UVRAG: variants seen among roughly 807,000 people sequenced by gnomAD.
UVRAG encodes the protein UV radiation resistance-associated gene protein.
A neutral mutation model predicts 78.0 loss-of-function variants in UVRAG; 19 were observed. That is an observed-to-expected ratio of 0.24 (90% CI 0.17 to 0.36). The LOEUF is 0.36. UVRAG is among the 10% of genes least tolerant of loss of function. The pLI is 1.00. For missense variants in UVRAG, 740 were observed against 853.8 expected, an observed-to-expected ratio of 0.87 and a Z score of 1.66; for synonymous variants, 323 against 324.6, an observed-to-expected ratio of 1.00 and a Z score of 0.05.
At chr11:75,826,604 GTGTGAATTAGAGTGAAACTTTGGAA>G (rs1945518336) in intron 1 of UVRAG, among the ~76,000 whole-genome samples, 1 of 152,016 alleles carries the variant, frequency 6.6e-6, no homozygotes. Flanking sequence ...CCCTTTTATG[GTGTGAATTAGAGTGAAACTTTGGAA>G]TGTCCCTCTG....
intron 12 of UVRAG, among the ~76,000 whole-genome samples, chr11:76,059,056 A>G (rs112097999): frequency 0.011 from 1,705 of 152,346 alleles, 33 homozygotes; most frequent in African/African-American, 0.039. Context: ...ATTTAAAACA[A>G]TAACTGATTA....
intron 13 of UVRAG, among the ~76,000 whole-genome samples, chr11:76,112,393 G>T (rs1439464806): frequency 2.0e-5 from 3 of 152,012 alleles, no homozygotes; most frequent in Non-Finnish European, 4.4e-5. Context: ...AAATATTCAG[G>T]GTGTCATGAA....
chr11:76,017,611 CAA>C (rs1446547207), intron 12 of UVRAG, among the ~76,000 whole-genome samples: 3 of 151,828 alleles, frequency 2.0e-5, no homozygotes, highest in African/African-American at 7.3e-5. Flanking sequence ...AGCTGAATAT[CAA>C]AGAGAAAGTG....
chr11:75,918,380 A>G (rs75011271), intron 6 of UVRAG, among the ~76,000 whole-genome samples: 32 of 137,140 alleles, frequency 2.3e-4, no homozygotes, highest in Admixed American at 3.6e-4. Context: ...TCCGTCTCAG[A>G]AAAAAAAAAA....
intron 14 of UVRAG, among the ~76,000 whole-genome samples, chr11:76,132,320 A>G (rs989456760): frequency 6.6e-6 from 1 of 152,168 alleles, no homozygotes; most frequent in Non-Finnish European, 1.5e-5. Flanking sequence ...TTCTTTTTAA[A>G]TATTCTTATT....
chr11:75,853,332 C>A (rs1946202294), intron 2 of UVRAG, among the ~76,000 whole-genome samples: 1 of 152,148 alleles, frequency 6.6e-6, no homozygotes, highest in Admixed American at 6.5e-5. Flanking sequence ...GAAACCCCTT[C>A]AGAGTAAATA....
At chr11:76,076,217 A>G (rs140324328) in intron 13 of UVRAG, among the ~76,000 whole-genome samples, 183 of 152,306 alleles carry the variant, frequency 1.2e-3, no homozygotes, top group African/African-American at 4.4e-3. Context: ...CTAATGTACA[A>G]AGGTTCTGTA....
At position 75,888,873 on chromosome 11, in the gene UVRAG, T is replaced by A; in HGVS notation, c.477T>A (p.Asp159Glu). The change falls in exon 5 of 15, where the codon GAT becomes GAA. Residue 159 changes from aspartate (D) to glutamate (E), a missense_variant. Coordinates refer to ENST00000356136, the MANE Select transcript of UVRAG (RefSeq NM_003369.4). ...ATGAAATAATTTTTGGGCTGAATGA[T>A]GGATACTATGGTGCTCCATTTGAAC... ...NQNEIIFGLN[D>E]GYYGAPFEHK... 1 of 1,613,788 alleles carries A rather than the reference T, an allele frequency of 6.2e-7. No homozygotes were observed. The highest frequency in any genetic ancestry group is 8.5e-7 in the Non-Finnish European group (1 of 1,179,864).
At chr11:75,886,706 A>C (rs1947086017) in intron 4 of UVRAG, among the ~76,000 whole-genome samples, 1 of 152,208 alleles carries the variant, frequency 6.6e-6, no homozygotes, top group African/African-American at 2.4e-5. Flanking sequence ...GGAGATACAG[A>C]AGTCAGGGAA....
intron 12 of UVRAG, among the ~76,000 whole-genome samples, chr11:76,044,509 C>T (rs1178227531): frequency 1.3e-5 from 2 of 152,228 alleles, no homozygotes; most frequent in South Asian, 2.1e-4. Flanking sequence ...CCGCGGCTCA[C>T]GGCTGTAATC....
intron 5 of UVRAG, among the ~76,000 whole-genome samples, chr11:75,906,318 GT>G (rs760179318): frequency 1.3e-5 from 2 of 151,392 alleles, no homozygotes; most frequent in Admixed American, 6.6e-5. Context: ...AGTTCTATAG[GT>G]TTTTTTTAGC....
rs535712695 is a variant in UVRAG, at chr11:75,912,169, G to A, written c.593+130G>A. 55 of 654,268 alleles carry A rather than the reference G, an allele frequency of 8.4e-5. 1 individual carries two copies. In the South Asian group the frequency reaches 9.6e-4, roughly 11 times the overall value. 40.5% of individuals were successfully genotyped at this position (654,268 alleles called of 1,614,324 possible). On this transcript the variant is annotated intron_variant, in intron 6 of 14. Transcript: ENST00000356136. ...TCAAGCTTAGCATTTTTTAGTGCAA[G>A]CGTCATAAATTTTGTAGCTACAGTG... is the stretch of plus-strand genomic sequence containing the variant.
At chr11:75,872,177 T>C in intron 3 of UVRAG, among the ~76,000 whole-genome samples, 1 of 152,296 alleles carries the variant, frequency 6.6e-6, no homozygotes, top group East Asian at 1.9e-4. Context: ...CATATCCATA[T>C]TACCTTTTAA....
In UVRAG at chr11:76,016,870, C is replaced by T; in HGVS notation, c.1116C>T (p.Ser372=). 6.2e-7 allele frequency: 1 copy of T among 1,612,430 alleles called. No individual in the cohort carries two copies. Among genetic ancestry groups the T allele is most frequent in the Non-Finnish European group, 8.5e-7 (1 of 1,178,946 alleles). ...TTGGTTATACTGCACATCTGGTCTC[C>T]ATGATTTCCTTTTTCCTACAAGTGC... is the stretch of plus-strand genomic sequence containing the variant. ...VALGYTAHLV[S]MISFFLQVPL... Residue 372 remains serine (S), a synonymous_variant, in exon 12 of 15, where the codon TCC becomes TCT. Coordinates refer to ENST00000356136, the MANE Select transcript of UVRAG (RefSeq NM_003369.4).
chr11:76,057,495 A>C (rs549765005), intron 12 of UVRAG, among the ~76,000 whole-genome samples: 4 of 152,372 alleles, frequency 2.6e-5, no homozygotes, highest in Non-Finnish European at 5.9e-5. Flanking sequence ...ATATTATTTT[A>C]AAATGGCTTA....
chr11:75,895,993 A>T (rs574452081), intron 5 of UVRAG, among the ~76,000 whole-genome samples: 8 of 152,186 alleles, frequency 5.3e-5, no homozygotes, highest in Non-Finnish European at 1.2e-4. Context: ...TGTTGAGGAG[A>T]TAAGACAGTA....
At chr11:76,091,751 TTTA>T (rs1951702197) in intron 13 of UVRAG, among the ~76,000 whole-genome samples, 1 of 152,144 alleles carries the variant, frequency 6.6e-6, no homozygotes, top group Non-Finnish European at 1.5e-5. Flanking sequence ...TTTTGAAATT[TTTA>T]TTGTTGTTTT....
chr11:75,849,645 T>A (rs1194128003), intron 1 of UVRAG, among the ~76,000 whole-genome samples: 1 of 152,224 alleles, frequency 6.6e-6, no homozygotes, highest in African/African-American at 2.4e-5. Context: ...GTGATGGTTG[T>A]GGTTTCTATC....
At chr11:76,043,220 A>C (rs940804701) in intron 12 of UVRAG, among the ~76,000 whole-genome samples, 1 of 152,144 alleles carries the variant, frequency 6.6e-6, no homozygotes, top group African/African-American at 2.4e-5. Context: ...TATTATTTAA[A>C]CTGTTCTTTA....
Sources: gnomAD v4.1 joint callset for allele counts (sites outside exome capture counted in the v4.1 genomes callset) on GRCh38, gnomAD v4.1.1 for gene constraint, MANE v1.5 for transcripts, NCBI Gene and HGNC (gene_info 2026-07-23, HGNC 2026-07-21) for gene names.